CAMSAP1: variants seen among roughly 807,000 people sequenced by gnomAD.
CAMSAP1 encodes calmodulin-regulated spectrin-associated protein 1.
In CAMSAP1, 58 loss-of-function variants were observed where a neutral mutation model predicts 143.5. The ratio of observed to expected loss-of-function variants is 0.40; its 90% CI spans 0.33 to 0.50. The LOEUF is 0.50. CAMSAP1 is among the 20% of genes least tolerant of loss of function. The pLI is 0.45. For synonymous variants in CAMSAP1, 945 were observed against 859.3 expected, an observed-to-expected ratio of 1.10 and a Z score of -1.74; for missense variants, 1,969 against 2,115.7, an observed-to-expected ratio of 0.93 and a Z score of 1.36.
At chr9:135,836,458 C>G (rs1377684582) in intron 7 of CAMSAP1, 2 of 984,868 alleles carry the variant, frequency 2.0e-6, no homozygotes, top group African/African-American at 3.5e-5. Context: ...GTTCTACAGA[C>G]ACGTCACCAC....
In CAMSAP1 at chr9:135,818,506, C is replaced by T; in HGVS notation, c.4070G>A (p.Gly1357Glu). The T allele has an allele frequency of 6.2e-7, 1 of 1,611,446 alleles. No individual in the cohort carries two copies. Residue 1357 changes from glycine (G) to glutamate (E), a missense_variant, in exon 13 of 17, where the codon GGG (glycine) becomes GAG (glutamate). Around this residue, in one of 4 missense-constraint regions of CAMSAP1, gnomAD observed 1,390 missense variants for 1,420.8 expected, o/e 0.98. Coordinates refer to ENST00000389532, the MANE Select transcript of CAMSAP1 (RefSeq NM_015447.4). The surrounding 1 kb of genome is among the most constrained non-coding windows in gnomAD (Gnocchi z 7.7). ...RKQQQILEEQ[G>E]LGKPKSKPKK... ...CGGCTTTGACTTGGGCTTGCCGAGCCCCTGCTCCTCTAGGATCTGCTGCTG... is the reference window on the plus strand; with the variant it reads ...CGGCTTTGACTTGGGCTTGCCGAGCTCCTGCTCCTCTAGGATCTGCTGCTG...
At chr9:135,845,555 T>C (rs1209435339) in intron 7 of CAMSAP1, among the ~76,000 whole-genome samples, 2 of 152,124 alleles carry the variant, frequency 1.3e-5, no homozygotes, top group African/African-American at 2.4e-5. Flanking sequence ...AGTATTCAAA[T>C]AGGAAGAAAG....
At position 135,821,857 on chromosome 9, in the gene CAMSAP1, A is replaced by T. The variant is rs779247129; in HGVS notation, c.2804T>A (p.Phe935Tyr). 10 of 1,613,970 alleles carry T rather than the reference A, an allele frequency of 6.2e-6. No individual in the cohort carries two copies. The highest frequency in any genetic ancestry group is 8.5e-6 in the Non-Finnish European group (10 of 1,179,876). Residue 935 changes from phenylalanine (F) to tyrosine (Y), a missense_variant, in exon 11 of 17, where the codon TTT becomes TAT. Around this residue, in one of 4 missense-constraint regions of CAMSAP1, gnomAD observed 1,390 missense variants for 1,420.8 expected, o/e 0.98. Transcript: ENST00000389532. This position sits in a 1 kb window ranked among gnomAD's most constrained non-coding sequence, Gnocchi z 4.6. The part of the protein sequence containing the change: ...EAAPPLRPEH[F>Y]AKEYSQHNGE... Reference sequence around the variant, plus strand: ...GTTGTGCTGAGAGTACTCCTTTGCAAAGTGCTCCGGCCTGAGGGGTGGGGC... The same window carrying T: ...GTTGTGCTGAGAGTACTCCTTTGCATAGTGCTCCGGCCTGAGGGGTGGGGC...
chr9:135,880,723 C>T (rs1439517818), intron 3 of CAMSAP1, among the ~76,000 whole-genome samples: 5 of 152,182 alleles, frequency 3.3e-5, no homozygotes, highest in African/African-American at 1.2e-4. Flanking sequence ...CTTATTCAGG[C>T]GCGCTAATAC....
intron 7 of CAMSAP1, among the ~76,000 whole-genome samples, chr9:135,832,455 G>C (rs1265941490): frequency 6.6e-6 from 1 of 152,194 alleles, no homozygotes; most frequent in Non-Finnish European, 1.5e-5. Context: ...CCCACAGCCA[G>C]TACCATAATT....
At chr9:135,834,357 T>C (rs891170739) in intron 7 of CAMSAP1, among the ~76,000 whole-genome samples, 1 of 152,224 alleles carries the variant, frequency 6.6e-6, no homozygotes, top group African/African-American at 2.4e-5. Flanking sequence ...TGCACTCCCA[T>C]GTTTACTGCG....
intron 10 of CAMSAP1, 147 bp downstream of exon 10, chr9:135,823,803 T>C: frequency 1.5e-6 from 1 of 658,742 alleles, no homozygotes; most frequent in Non-Finnish European, 2.6e-6. Flanking sequence ...AGTAACTTCC[T>C]AGTGTTGTTA....
intron 1 of CAMSAP1, among the ~76,000 whole-genome samples, chr9:135,900,754 A>G (rs1838594350): frequency 2.0e-5 from 3 of 151,984 alleles, no homozygotes; most frequent in Non-Finnish European, 4.4e-5. Flanking sequence ...AAAAAAACTC[A>G]AAGATCTTTC....
chr9:135,872,434 TA>T (rs959214891), intron 3 of CAMSAP1, among the ~76,000 whole-genome samples: 24 of 150,684 alleles, frequency 1.6e-4, no homozygotes, highest in African/African-American at 2.0e-4. Flanking sequence ...AGGGAGTACT[TA>T]AAAAAAAATC....
At chr9:135,900,659 C>T (rs1323418643) in intron 1 of CAMSAP1, among the ~76,000 whole-genome samples, 1 of 151,962 alleles carries the variant, frequency 6.6e-6, no homozygotes, top group Non-Finnish European at 1.5e-5. Context: ...CATGCCACTG[C>T]ACTCCAGCCT....
At chr9:135,905,148 A>G (rs984265976) in intron 1 of CAMSAP1, among the ~76,000 whole-genome samples, 5 of 152,202 alleles carry the variant, frequency 3.3e-5, no homozygotes, top group African/African-American at 1.2e-4. Flanking sequence ...AGAACTCAAA[A>G]GCCCATGTTA....
intron 1 of CAMSAP1, among the ~76,000 whole-genome samples, chr9:135,904,296 G>A (rs992215088): frequency 2.6e-5 from 4 of 151,878 alleles, no homozygotes; most frequent in African/African-American, 7.3e-5. Context: ...CTACTCGGGA[G>A]GCTGAGGAGG....
intron 16 of CAMSAP1, 61 bp downstream of exon 16, chr9:135,815,036 C>T (rs1835181492): frequency 8.5e-7 from 1 of 1,179,376 alleles, no homozygotes; most frequent in Non-Finnish European, 1.2e-6. Context: ...TTAAAAAGAA[C>T]CCTTAATTTA....
At chr9:135,898,383 G>A (rs956740573) in intron 1 of CAMSAP1, among the ~76,000 whole-genome samples, 12 of 152,094 alleles carry the variant, frequency 7.9e-5, no homozygotes, top group African/African-American at 2.4e-4. Flanking sequence ...GGTGGCTCCC[G>A]CCTGTAATCC....
In CAMSAP1 at chr9:135,867,290, G is replaced by A. The variant is rs565916457; in HGVS notation, c.586-754C>T. On this transcript the variant is annotated intron_variant, in intron 3 of 16. Transcript: ENST00000389532. ...ATAGATAATGTAAAATTCAATCAAT[G>A]AGAAAGTAGAAGAAAGGATATTTAA... Among the ~76,000 whole-genome samples the A allele has an allele frequency of 2.6e-5, 4 of 152,214 alleles. No individual in the cohort carries two copies. In the South Asian group the frequency reaches 8.3e-4, roughly 32 times the overall value.
chr9:135,811,302 A>T lies in CAMSAP1; in HGVS notation c.*7T>A. The T allele has an allele frequency of 1.2e-6, 2 of 1,610,750 alleles. No homozygotes were observed. The highest frequency in any genetic ancestry group is 1.3e-5 in the African/African-American group (1 of 74,986). ...GGGTCACCCTTTGGACGCCAGCTGCACCGGGGTCATTTACGAGTCTGGGCC... is the reference window on the plus strand; with the variant it reads ...GGGTCACCCTTTGGACGCCAGCTGCTCCGGGGTCATTTACGAGTCTGGGCC... On this transcript the variant is annotated 3_prime_UTR_variant, in exon 17 of 17. Transcript: ENST00000389532. This position sits in a 1 kb window ranked among gnomAD's most constrained non-coding sequence, Gnocchi z 4.9.
chr9:135,815,314 G>A, intron 15 of CAMSAP1, 99 bp from the exon 16 acceptor site: 1 of 605,128 alleles, frequency 1.7e-6, no homozygotes, highest in Admixed American at 3.4e-5. Context: ...CAATGGGTAG[G>A]CTGAATTACA....
chr9:135,899,147 C>A (rs958878531), intron 1 of CAMSAP1, among the ~76,000 whole-genome samples: 1 of 152,158 alleles, frequency 6.6e-6, no homozygotes, highest in African/African-American at 2.4e-5. Context: ...TCCTGCCGGG[C>A]AGGGGCACAA....
intron 3 of CAMSAP1, among the ~76,000 whole-genome samples, chr9:135,875,368 CCTGG>C: frequency 6.6e-6 from 1 of 152,084 alleles, no homozygotes; most frequent in South Asian, 2.1e-4. Context: ...TGCCACCATG[CCTGG>C]CTAGTTTTTT....
Sources: allele counts gnomAD v4.1 joint callset (sites outside exome capture counted in the v4.1 genomes callset), GRCh38; gene constraint gnomAD v4.1.1; regional missense constraint gnomAD v4.1.1; non-coding constraint Gnocchi (gnomAD v3.1); transcripts MANE v1.5; gene names NCBI Gene and HGNC (gene_info 2026-07-23, HGNC 2026-07-21).